The following FGFR2 variants were observed in gnomAD, a reference collection of about 807,000 sequenced individuals.
FGFR2 encodes the protein BEK fibroblast growth factor receptor.
FGFR2 carries 19 observed loss-of-function variants against 95.9 expected under a neutral mutation model. The ratio of observed to expected loss-of-function variants is 0.20; its 90% CI spans 0.14 to 0.29. The LOEUF is 0.29. Among genes scored for constraint, FGFR2 ranks in the 10% least tolerant of loss-of-function variants. The probability of loss-of-function intolerance (pLI) is 1.00; values close to 1 mark genes in which losing one functional copy is unlikely to be tolerated. For synonymous variants in FGFR2, 392 were observed against 393.3 expected (o/e 1.00, Z 0.04); for missense variants, 707 against 1,056.9 (o/e 0.67, Z 4.59).
intron 11 of FGFR2, among the ~76,000 whole-genome samples, chr10:121,500,415 G>A (rs1847446181): frequency 1.3e-5 from 2 of 152,038 alleles, no homozygotes; most frequent in African/African-American, 4.8e-5. Flanking sequence ...ACGTCTCTTC[G>A]TTCCCTCCAA....
At chr10:121,551,201 C>G in intron 5 of FGFR2, 89 bp downstream of exon 5, 2 of 1,451,988 alleles carry the variant, frequency 1.4e-6, no homozygotes, top group Admixed American at 3.4e-5. Context: ...GCCTGGGCGA[C>G]AGAGCGAGAC....
chr10:121,511,196 C>T (rs1436851384), intron 9 of FGFR2, among the ~76,000 whole-genome samples: 1 of 152,040 alleles, frequency 6.6e-6, no homozygotes, highest in Non-Finnish European at 1.5e-5. Flanking sequence ...AAAAACCACC[C>T]TGCAGCCTCT....
At chr10:121,493,469 G>A (rs1040927583) in intron 13 of FGFR2, among the ~76,000 whole-genome samples, 8 of 152,122 alleles carry the variant, frequency 5.3e-5, no homozygotes, top group African/African-American at 1.2e-4. Context: ...CAGTCTGAGC[G>A]CCGAGGCTCT....
intron 6 of FGFR2, among the ~76,000 whole-genome samples, chr10:121,520,426 GCTGTCCACT>G (rs1032244186): frequency 6.6e-6 from 1 of 152,142 alleles, no homozygotes; most frequent in African/African-American, 2.4e-5. Flanking sequence ...CAGGTTATTG[GCTGTCCACT>G]GCCACCTGAT....
At chr10:121,523,877 C>A (rs1228414283) in intron 6 of FGFR2, among the ~76,000 whole-genome samples, 1 of 152,186 alleles carries the variant, frequency 6.6e-6, no homozygotes, top group Non-Finnish European at 1.5e-5. Flanking sequence ...AATCGTTTCA[C>A]AAGTAAACAT....
At chr10:121,586,171 T>C (rs947934934) in intron 2 of FGFR2, among the ~76,000 whole-genome samples, 5 of 152,178 alleles carry the variant, frequency 3.3e-5, no homozygotes, top group African/African-American at 4.8e-5. Context: ...CATATAGTAA[T>C]ATAGGAGCTC....
intron 6 of FGFR2, among the ~76,000 whole-genome samples, chr10:121,533,556 T>C (rs956490887): frequency 6.6e-6 from 1 of 152,066 alleles, no homozygotes; most frequent in Non-Finnish European, 1.5e-5. Flanking sequence ...AAAGAAGCAA[T>C]AATTCACGAT....
chr10:121,507,460 T>C (rs1848469146), intron 9 of FGFR2, among the ~76,000 whole-genome samples: 2 of 152,206 alleles, frequency 1.3e-5, no homozygotes, highest in South Asian at 4.2e-4. Flanking sequence ...TGGTGGTGAG[T>C]GCCTGTAACC....
intron 5 of FGFR2, among the ~76,000 whole-genome samples, chr10:121,541,654 T>A (rs2134660544): frequency 6.6e-6 from 1 of 152,254 alleles, no homozygotes; most frequent in East Asian, 1.9e-4. Context: ...AATAAACATA[T>A]GAAAAGATGC....
intron 5 of FGFR2, among the ~76,000 whole-genome samples, chr10:121,542,413 C>T (rs1005812021): frequency 6.6e-6 from 1 of 152,068 alleles, no homozygotes; most frequent in Non-Finnish European, 1.5e-5. Flanking sequence ...TAAAACAGAT[C>T]CTTAGATAAT....
intron 5 of FGFR2, among the ~76,000 whole-genome samples, chr10:121,550,208 T>C (rs1840472020): frequency 1.3e-5 from 2 of 152,192 alleles, no homozygotes; most frequent in African/African-American, 2.4e-5. Context: ...CCTTTCCATG[T>C]ACATCCATGG....
intron 5 of FGFR2, among the ~76,000 whole-genome samples, chr10:121,544,262 A>G (rs2134696628): frequency 6.6e-6 from 1 of 152,166 alleles, no homozygotes; most frequent in East Asian, 1.9e-4. Context: ...CCTGACCAAC[A>G]TGGTGAAACC....
chr10:121,591,306 G>C (rs1238132197), intron 2 of FGFR2, among the ~76,000 whole-genome samples: 2 of 152,154 alleles, frequency 1.3e-5, no homozygotes, highest in African/African-American at 4.8e-5. Flanking sequence ...GTCTCCAAAA[G>C]CCTAGATGTT....
chr10:121,573,120 G>A (rs1270385349), intron 2 of FGFR2, among the ~76,000 whole-genome samples: 2 of 152,224 alleles, frequency 1.3e-5, no homozygotes, highest in African/African-American at 2.4e-5. Flanking sequence ...CAGCACTTCA[G>A]ACTGTCACTT....
At chr10:121,500,501 T>C (rs1847455261) in intron 11 of FGFR2, among the ~76,000 whole-genome samples, 3 of 152,170 alleles carry the variant, frequency 2.0e-5, no homozygotes. Context: ...AGCTAATAAA[T>C]TCAATTATAT....
intron 10 of FGFR2, among the ~76,000 whole-genome samples, chr10:121,502,281 T>C (rs1010378496): frequency 6.6e-6 from 1 of 152,226 alleles, no homozygotes; most frequent in Non-Finnish European, 1.5e-5. Context: ...CATCCATTTC[T>C]CCACATCCTA....
intron 9 of FGFR2, 80 bp downstream of exon 9, chr10:121,515,037 A>C: frequency 7.3e-7 from 1 of 1,367,080 alleles, no homozygotes; most frequent in Non-Finnish European, 1.0e-6. Context: ...AGTCGATGGC[A>C]TCAAAGCAGA....
At chr10:121,547,115 T>G (rs943412188) in intron 5 of FGFR2, among the ~76,000 whole-genome samples, 5 of 152,240 alleles carry the variant, frequency 3.3e-5, no homozygotes, top group South Asian at 2.1e-4. Context: ...TCCCAGCTAC[T>G]TGTGAGGCTG....
intron 10 of FGFR2, 32 bp from the exon 11 acceptor site, chr10:121,500,979 C>T: frequency 6.2e-7 from 1 of 1,612,392 alleles, no homozygotes; most frequent in Non-Finnish European, 8.5e-7. Flanking sequence ...TAGCACATAG[C>T]ATCTGGTGAT....
Sources: allele counts gnomAD v4.1 joint callset (sites outside exome capture counted in the v4.1 genomes callset), GRCh38; gene constraint gnomAD v4.1.1; transcripts MANE v1.5; gene names NCBI Gene and HGNC (gene_info 2026-07-23, HGNC 2026-07-21).